UNC80: variants seen among roughly 807,000 people sequenced by gnomAD.
UNC80 encodes protein unc-80 homolog.
UNC80 carries 164 observed loss-of-function variants against 384.6 expected under a neutral mutation model. The observed-to-expected ratio is 0.43, with a 90% confidence interval of 0.38 to 0.49. The LOEUF (loss-of-function observed/expected upper bound fraction) is 0.49, where lower values mean the gene tolerates loss of function less well. Among genes scored for constraint, UNC80 ranks in the 20% least tolerant of loss-of-function variants. The pLI, the probability that UNC80 is intolerant of heterozygous loss-of-function variation, is 0.00. For synonymous variants in UNC80, 1,486 were observed against 1,527.8 expected, an observed-to-expected ratio of 0.97 and a Z score of 0.64; for missense variants, 3,330 against 4,143.0, an observed-to-expected ratio of 0.80 and a Z score of 5.39.
chr2:209,829,143 T>C (rs775390519), intron 14 of UNC80, 89 bp from the exon 15 acceptor site: 115 of 1,477,594 alleles, frequency 7.8e-5, no homozygotes, highest in Admixed American at 2.1e-5. Flanking sequence ...TGGAAACCCT[T>C]GCCTTCTGAA....
At chr2:209,983,487 T>C (rs1336384399) in intron 60 of UNC80, among the ~76,000 whole-genome samples, 1 of 152,110 alleles carries the variant, frequency 6.6e-6, no homozygotes, top group Non-Finnish European at 1.5e-5. Context: ...AAAGAAAGTC[T>C]TATACACAAA....
rs900683644 is a variant in UNC80 at position 209,921,376 on chromosome 2, A to G, written c.5344-124A>G. ...GGACAAATATCCATGAAACTGGATC[A>G]TGGGTATCCTAACATTTCCTGAGGA... On this transcript the variant is annotated intron_variant, in intron 33 of 64. Coordinates refer to ENST00000673920, the MANE Select transcript of UNC80 (RefSeq NM_001371986.1). 4 of 953,938 alleles carry G rather than the reference A, an allele frequency of 4.2e-6. No homozygotes were observed. In the African/African-American group the frequency reaches 5.0e-5, roughly 12 times the overall value. 59.1% of individuals were successfully genotyped at this position (953,938 alleles called of 1,614,324 possible). A position where few individuals can be genotyped will look rare whatever the true frequency, so the allele number is the denominator to read the frequency against.
At chr2:209,866,499 C>A (rs868809726) in intron 22 of UNC80, among the ~76,000 whole-genome samples, 5 of 112,546 alleles carry the variant, frequency 4.4e-5, no homozygotes, top group African/African-American at 2.4e-4. Flanking sequence ...CCCACACACA[C>A]ACACACACAC....
At chr2:209,857,643 C>A (rs372025614) in intron 22 of UNC80, among the ~76,000 whole-genome samples, 5 of 151,982 alleles carry the variant, frequency 3.3e-5, no homozygotes, top group African/African-American at 1.2e-4. Flanking sequence ...AAGTTGATTA[C>A]TTAGTTCATT....
chr2:209,884,725 G>A (rs1341753004), intron 25 of UNC80, among the ~76,000 whole-genome samples: 1 of 152,164 alleles, frequency 6.6e-6, no homozygotes, highest in East Asian at 1.9e-4. Context: ...CCATAAAAAG[G>A]AATGAGATTA....
intron 8 of UNC80, 107 bp downstream of exon 8, chr2:209,813,948 G>A (rs1181492565): frequency 9.4e-6 from 13 of 1,380,280 alleles, no homozygotes; most frequent in African/African-American, 2.9e-5. Context: ...TGACTTTTTG[G>A]TTGGTGGGTT....
At chr2:209,775,853 T>G in intron 2 of UNC80, 36 bp from the exon 3 acceptor site, 1 of 1,598,908 alleles carries the variant, frequency 6.3e-7, no homozygotes, top group African/African-American at 1.3e-5. Flanking sequence ...TTTTGGATTT[T>G]GGCTTTTCTT....
chr2:209,961,325 A>C (rs2092584614), intron 51 of UNC80: 1 of 152,230 alleles, frequency 6.6e-6, no homozygotes, highest in Non-Finnish European at 1.5e-5. Context: ...TGGTTCAAAT[A>C]CTATGTTAAA....
intron 2 of UNC80, among the ~76,000 whole-genome samples, chr2:209,774,539 T>G (rs890217238): frequency 6.6e-6 from 1 of 152,178 alleles, no homozygotes; most frequent in Non-Finnish European, 1.5e-5. Context: ...TTATTAAAAG[T>G]TGTATTAGTG....
intron 22 of UNC80, among the ~76,000 whole-genome samples, chr2:209,866,384 T>G (rs546314174): frequency 1.3e-5 from 2 of 152,138 alleles, no homozygotes; most frequent in South Asian, 4.2e-4. Flanking sequence ...GTTTTGCCCA[T>G]CAGGGAACAT....
chr2:209,897,146 G>C (rs1264472087), intron 28 of UNC80, among the ~76,000 whole-genome samples: 1 of 152,132 alleles, frequency 6.6e-6, no homozygotes, highest in Non-Finnish European at 1.5e-5. Context: ...TGACTGATTT[G>C]AGAATCTCTG....
chr2:209,904,878 C>G lies in UNC80; in HGVS notation c.4695C>G (p.Ile1565Met). The G allele has an allele frequency of 1.3e-6, 2 of 1,551,878 alleles. No individual in the cohort carries two copies. The highest frequency in any genetic ancestry group is 1.7e-6 in the Non-Finnish European group (2 of 1,147,038). The stretch of plus-strand genomic sequence containing the variant: ...CCTGTGCCCGACTGGTCAGAGCCAT[C>G]AAGCTACTCTATGGAGACAGTGTGG... ...SRSCARLVRA[I>M]KLLYGDSVDS... The change falls in exon 29 of 65, where the codon ATC becomes ATG. Residue 1565 changes from isoleucine to methionine, a missense_variant. Physicochemically the swap from Ile to Met is conservative, Grantham distance 10. This residue lies in a region of UNC80 where 801 missense variants were observed against 950.8 expected (regional missense o/e 0.84). Coordinates refer to ENST00000673920, the MANE Select transcript of UNC80 (RefSeq NM_001371986.1).
intron 4 of UNC80, among the ~76,000 whole-genome samples, chr2:209,779,169 A>T (rs2077024364): frequency 6.6e-6 from 1 of 152,112 alleles, no homozygotes. Context: ...GGGACTGTCC[A>T]CCTGGCCTGT....
intron 26 of UNC80, 50 bp from the exon 27 acceptor site, chr2:209,894,113 G>A (rs1267097503): frequency 1.0e-6 from 1 of 978,728 alleles, no homozygotes; most frequent in African/African-American, 1.8e-5. Context: ...TATAACACTG[G>A]CTGGGGAACA....
chr2:209,986,999 C>T (rs1014559575), intron 61 of UNC80, among the ~76,000 whole-genome samples: 13 of 152,120 alleles, frequency 8.5e-5, no homozygotes, highest in African/African-American at 2.9e-4. Context: ...CAGGTAATGA[C>T]GCTTAACATA....
Position 209,976,392 on chromosome 2 carries a change from T to C in UNC80, c.8772+89T>C. 2 of 1,502,202 alleles carry C rather than the reference T, an allele frequency of 1.3e-6. No homozygotes were observed. The highest frequency in any genetic ancestry group is 1.8e-6 in the Non-Finnish European group (2 of 1,109,480). The allele number at this position is 1,502,202 out of a possible 1,614,324, so 93.1% of individuals were successfully genotyped here. A position where few individuals can be genotyped will look rare whatever the true frequency, so the allele number is the denominator to read the frequency against. ...GGCAGGAATATGGCAGGAGTGCTCA[T>C]GGTACCTACTGTTGCCAGTTAGTAG... On this transcript the variant is annotated intron_variant, in intron 57 of 64. Coordinates refer to ENST00000673920, the MANE Select transcript of UNC80 (RefSeq NM_001371986.1). This position sits in a 1 kb window ranked among gnomAD's most constrained non-coding sequence, Gnocchi z 4.3.
chr2:209,785,211 C>G (rs915663768), intron 4 of UNC80, among the ~76,000 whole-genome samples: 1 of 152,154 alleles, frequency 6.6e-6, no homozygotes, highest in Admixed American at 6.5e-5. Flanking sequence ...GTTCCTGGGT[C>G]TCAGATGTAT....
chr2:209,793,278 A>T (rs2077941357), intron 6 of UNC80, among the ~76,000 whole-genome samples: 1 of 152,222 alleles, frequency 6.6e-6, no homozygotes, highest in Admixed American at 6.5e-5. Flanking sequence ...CCACTGATGA[A>T]TGAAGGAAAA....
chr2:209,809,570 G>C (rs2153826945), intron 7 of UNC80: 2 of 850,604 alleles, frequency 2.4e-6, no homozygotes, highest in East Asian at 2.5e-5. Flanking sequence ...TGCTCAGGGG[G>C]CCCTCGCTGA....
Sources: allele counts gnomAD v4.1 joint callset (sites outside exome capture counted in the v4.1 genomes callset), GRCh38; gene constraint gnomAD v4.1.1; regional missense constraint gnomAD v4.1.1; non-coding constraint Gnocchi (gnomAD v3.1); transcripts MANE v1.5; gene names NCBI Gene and HGNC (gene_info 2026-07-23, HGNC 2026-07-21).